Variants in KIDINS220 observed in about 807,000 individuals in gnomAD.
KIDINS220 encodes the protein kinase D interacting substrate 220.
Under a neutral mutation model 157.6 loss-of-function variants are expected in KIDINS220, and 63 were observed. The ratio of observed to expected loss-of-function variants is 0.40; its 90% confidence interval spans 0.33 to 0.49. KIDINS220 has a LOEUF of 0.49. KIDINS220 is among the 20% of genes least tolerant of loss of function. The pLI is 0.66. For missense variants in KIDINS220, 1,772 were observed against 2,171.2 expected (o/e 0.82, Z 3.65); for synonymous variants, 732 against 783.6 (o/e 0.93, Z 1.10).
chr2:8,792,463 A>G (rs1487160101), intron 12 of KIDINS220, among the ~76,000 whole-genome samples: 1 of 152,254 alleles, frequency 6.6e-6, no homozygotes. Context: ...GCAAGAATAC[A>G]AATAGCCTAT....
chr2:8,768,712 C>A (rs1183608970), intron 22 of KIDINS220, among the ~76,000 whole-genome samples: 1 of 152,116 alleles, frequency 6.6e-6, no homozygotes, highest in African/African-American at 2.4e-5. Flanking sequence ...ATAAAACTTT[C>A]TCTTATTCAA....
chr2:8,762,251 A>G (rs893606152), intron 22 of KIDINS220, among the ~76,000 whole-genome samples: 5 of 152,218 alleles, frequency 3.3e-5, no homozygotes, highest in African/African-American at 1.2e-4. Context: ...TAAATCTTTT[A>G]AGATAACTCG....
chr2:8,820,636 A>C (rs6704890), intron 2 of KIDINS220, among the ~76,000 whole-genome samples: 11,537 of 152,154 alleles, frequency 0.076, 1,487 homozygotes, highest in African/African-American at 0.26. Context: ...TCATCCAACC[A>C]GGGTCATTAG....
intron 17 of KIDINS220, among the ~76,000 whole-genome samples, chr2:8,782,083 C>T (rs1671802819): frequency 6.6e-6 from 1 of 152,020 alleles, no homozygotes; most frequent in Non-Finnish European, 1.5e-5. Flanking sequence ...CACTGCACTA[C>T]AGCCTGGGCA....
chr2:8,730,971 T>C lies in KIDINS220; in HGVS notation c.5065A>G (p.Ser1689Gly), dbSNP rs749481172. 4.3e-6 allele frequency: 7 copies of C among 1,614,138 alleles called. No individual in the cohort carries two copies. Among genetic ancestry groups the C allele is most frequent in the Non-Finnish European group, 5.9e-6 (7 of 1,180,048 alleles). Residue 1689 changes from serine to glycine, a missense_variant, in exon 30 of 30, where the codon AGT becomes GGT. Around this residue, in one of 3 missense-constraint regions of KIDINS220, gnomAD observed 793 missense variants for 885.5 expected, o/e 0.90. Transcript: ENST00000256707. ...TGATTGGCTCTGTTGGCTGGAGCAC[T>C]ATTGTTGTTCAGAGTCACGGTGCTG... ...TPSTVTLNNN[S>G]APANRANQNF...
At chr2:8,758,967 G>C (rs138186644) in intron 22 of KIDINS220, among the ~76,000 whole-genome samples, 224 of 152,296 alleles carry the variant, frequency 1.5e-3, no homozygotes, top group African/African-American at 4.9e-3. Context: ...TGCCAGAAGA[G>C]AAAAGAGGCA....
At position 8,729,035 on chromosome 2, in the gene KIDINS220, A is replaced by T. The variant is rs1302304671; in HGVS notation, c.*1685T>A. On this transcript the variant is annotated 3_prime_UTR_variant, in exon 30 of 30. Transcript: ENST00000256707. ...TGTACTCCAATGATATTACGCGGCA[A>T]CTACTCACCTGAAAAAGAAAACATT... is the stretch of plus-strand genomic sequence containing the variant. 2.0e-6 allele frequency: 2 copies of T among 982,624 alleles called. No individual in the cohort carries two copies. The highest frequency in any genetic ancestry group is 3.5e-5 in the African/African-American group (2 of 57,172). The allele number at this position is 982,624 out of a possible 1,614,324, so 60.9% of individuals were successfully genotyped here. A position where few individuals can be genotyped will look rare whatever the true frequency, so the allele number is the denominator to read the frequency against.
At chr2:8,802,859 G>T in intron 8 of KIDINS220, 71 bp downstream of exon 8, 1 of 1,212,086 alleles carries the variant, frequency 8.3e-7, no homozygotes. Flanking sequence ...AATCTTGAAA[G>T]GTAATAAGAC....
At chr2:8,813,484 C>G in intron 4 of KIDINS220, 149 bp from the exon 5 acceptor site, 1 of 556,508 alleles carries the variant, frequency 1.8e-6, no homozygotes, top group Non-Finnish European at 3.1e-6. Context: ...CCCAGGCTCC[C>G]CAAATACAAT....
At position 8,731,561 on chromosome 2, in the gene KIDINS220, G is replaced by A. The variant is rs1398026601; in HGVS notation, c.4475C>T (p.Pro1492Leu). 6.2e-7 allele frequency: 1 copy of A among 1,614,136 alleles called. No homozygotes were observed. The highest frequency in any genetic ancestry group is 1.3e-5 in the African/African-American group (1 of 75,040). Residue 1492 changes from proline to leucine, a missense_variant, in exon 30 of 30, where the codon CCA (proline) becomes CTA (leucine). Pro to Leu is a moderately conservative substitution (Grantham distance 98). Transcript: ENST00000256707. This position sits in a 1 kb window ranked among gnomAD's most constrained non-coding sequence, Gnocchi z 5.2. ...TGACCTTTCGGAAGATTTCTTGCCTGGGAGAAGCTTACTGCCTGACTGATC... is the reference window on the plus strand; with the variant it reads ...TGACCTTTCGGAAGATTTCTTGCCTAGGAGAAGCTTACTGCCTGACTGATC... ...KSDQSGSKLL[P>L]GKKSSERSSL...
intron 9 of KIDINS220, among the ~76,000 whole-genome samples, chr2:8,798,923 G>A (rs997302667): frequency 6.6e-6 from 1 of 152,168 alleles, no homozygotes; most frequent in Admixed American, 6.5e-5. Context: ...AAAAGTCCAA[G>A]TAGGTGGCCT....
At position 8,779,707 on chromosome 2, in the gene KIDINS220, A is replaced by G. The variant is rs1000710308; in HGVS notation, c.2337T>C (p.Cys779=). ...LVVIIDGLDA[C]EQDKVLQMLD... ...GCATCTGAAGGACTTTGTCCTGCTCACAGGCATCTAATCCATCGATGATGA... is the reference window on the plus strand; with the variant it reads ...GCATCTGAAGGACTTTGTCCTGCTCGCAGGCATCTAATCCATCGATGATGA... Residue 779 remains cysteine (C), a synonymous_variant, in exon 18 of 30, where the codon TGT becomes TGC. Coordinates refer to ENST00000256707, the MANE Select transcript of KIDINS220 (RefSeq NM_020738.4). 5.0e-6 allele frequency: 8 copies of G among 1,614,178 alleles called. No homozygotes were observed. The highest frequency in any genetic ancestry group is 6.8e-6 in the Non-Finnish European group (8 of 1,180,008).
intron 7 of KIDINS220, among the ~76,000 whole-genome samples, chr2:8,804,748 C>T (rs1675203875): frequency 6.6e-6 from 1 of 152,188 alleles, no homozygotes; most frequent in Non-Finnish European, 1.5e-5. Flanking sequence ...AAAAAACAAA[C>T]TCCATTTCAC....
At chr2:8,800,822 CG>C (rs1479759219) in intron 8 of KIDINS220, among the ~76,000 whole-genome samples, 1 of 152,096 alleles carries the variant, frequency 6.6e-6, no homozygotes, top group Non-Finnish European at 1.5e-5. Context: ...AATACAATGA[CG>C]TTGTGGCTGT....
In KIDINS220 at chr2:8,729,975, G is replaced by A. The variant is rs954548219; in HGVS notation, c.*745C>T. Reference sequence around the variant, plus strand: ...GAGAACAGACCAGGGTGGCTTCTTGGGCACAGCTGGATGGTGCTGGAAGCC... The same window carrying A: ...GAGAACAGACCAGGGTGGCTTCTTGAGCACAGCTGGATGGTGCTGGAAGCC... On this transcript the variant is annotated 3_prime_UTR_variant, in exon 30 of 30. Coordinates refer to ENST00000256707, the MANE Select transcript of KIDINS220 (RefSeq NM_020738.4). 2 of 985,202 alleles carry A rather than the reference G, an allele frequency of 2.0e-6. No individual in the cohort carries two copies. The highest frequency in any genetic ancestry group is 1.7e-5 in the African/African-American group (1 of 57,200). The allele number at this position is 985,202 out of a possible 1,614,324, so 61.0% of individuals were successfully genotyped here. A position where few individuals can be genotyped will look rare whatever the true frequency, so the allele number is the denominator to read the frequency against.
chr2:8,789,901 C>A lies in KIDINS220; in HGVS notation c.1600G>T (p.Ala534Ser), dbSNP rs199536870. 1.0e-4 allele frequency: 164 copies of A among 1,609,942 alleles called. 1 individual carries two copies. The Middle Eastern group carries it at 1.7e-3, about 16-fold the overall frequency. Residue 534 changes from alanine to serine, a missense_variant, in exon 14 of 30, where the codon GCT (alanine) becomes TCT (serine). Ala to Ser is a moderately conservative substitution (Grantham distance 99). Transcript: ENST00000256707. Reference sequence around the variant, plus strand: ...TTACTAAAGAATATATATAAGAGAGCCAAGAAGCTCAGTGACACTGCTATT... The same window carrying A: ...TTACTAAAGAATATATATAAGAGAGACAAGAAGCTCAGTGACACTGCTATT... ...LGIAVSLSFL[A>S]LLYIFFIVIY...
chr2:8,779,891 TAGAA>T, intron 17 of KIDINS220, 77 bp from the exon 18 acceptor site: 1 of 1,474,576 alleles, frequency 6.8e-7, no homozygotes, highest in Non-Finnish European at 9.3e-7. Context: ...GAAAGCGTGA[TAGAA>T]AGTCATCTAA....
At chr2:8,765,005 A>G (rs1669274570) in intron 22 of KIDINS220, among the ~76,000 whole-genome samples, 1 of 152,066 alleles carries the variant, frequency 6.6e-6, no homozygotes, top group Admixed American at 6.5e-5. Flanking sequence ...GACTCATCTA[A>G]TAAAGCCTCG....
chr2:8,723,149 G>A (rs903458304), downstream of KIDINS220: 2 of 152,196 alleles, frequency 1.3e-5, no homozygotes, highest in African/African-American at 4.8e-5. Flanking sequence ...CTTCCTCCAG[G>A]GCACACAGTC....
Sources: gnomAD v4.1 joint callset for allele counts (sites outside exome capture counted in the v4.1 genomes callset) on GRCh38, gnomAD v4.1.1 for gene constraint, gnomAD v4.1.1 regional missense constraint, Gnocchi (gnomAD v3.1) non-coding constraint, MANE v1.5 for transcripts, NCBI Gene and HGNC (gene_info 2026-07-23, HGNC 2026-07-21) for gene names.